Variants in IL17REL observed in about 807,000 individuals in gnomAD.
The protein encoded by IL17REL is interleukin 17 receptor E like, also known as interleukin-17 receptor E-like protein.
A neutral mutation model predicts 49.0 loss-of-function variants in IL17REL; 36 were observed. The ratio of observed to expected loss-of-function variants is 0.73; its 90% CI spans 0.56 to 0.97. The LOEUF (loss-of-function observed/expected upper bound fraction) is 0.97. Ranked by LOEUF, IL17REL falls within the 50% of genes least tolerant of loss-of-function variation. The pLI is 0.00. For synonymous variants in IL17REL, 206 were observed against 192.4 expected (o/e 1.07, Z -0.58); for missense variants, 470 against 453.9 (o/e 1.04, Z -0.32).
intron 10 of IL17REL, 25 bp from the exon 13 acceptor site, chr22:49,997,508 C>G (rs2061043940): frequency 1.4e-6 from 2 of 1,400,204 alleles, no homozygotes; most frequent in Non-Finnish European, 2.0e-6. Context: ...GGGTGAGACC[C>G]CCATCCGGCC....
At chr22:50,005,428 G>A (rs1031217242) in intron 1 of IL17REL, among the ~76,000 whole-genome samples, 1 of 152,168 alleles carries the variant, frequency 6.6e-6, no homozygotes, top group Non-Finnish European at 1.5e-5. Context: ...CGAGGAGCAG[G>A]GAATGGGAAA....
chr22:50,002,132 T>G (rs2061083271), intron 1 of IL17REL, among the ~76,000 whole-genome samples: 1 of 152,222 alleles, frequency 6.6e-6, no homozygotes, highest in Non-Finnish European at 1.5e-5. Context: ...CACTTCAGCC[T>G]CTGATTGGTT....
At chr22:49,998,969 ATG>A (rs1478886249) in intron 7 of IL17REL, among the ~76,000 whole-genome samples, 1 of 151,942 alleles carries the variant, frequency 6.6e-6, no homozygotes, top group Non-Finnish European at 1.5e-5. Context: ...GTGTCTGTGC[ATG>A]TGTGTGTGTG....
chr22:50,010,042 C>T (rs1042094466), upstream of IL17REL, among the ~76,000 whole-genome samples: 31 of 125,374 alleles, frequency 2.5e-4, 1 homozygote, highest in Admixed American at 3.1e-4. Context: ...CAGGGTCCAG[C>T]GCAGGACCCC....
exon 13 of IL17REL, chr22:49,996,803 TGGAGCGGA>T (rs956823250): frequency 1.9e-6 from 1 of 516,316 alleles, no homozygotes; most frequent in African/African-American, 2.0e-5. Context: ...GGGCACCCAC[TGGAGCGGA>T]GGTTGCAGAG....
chr22:50,002,964 C>T (rs997421458), intron 1 of IL17REL, among the ~76,000 whole-genome samples: 2 of 152,188 alleles, frequency 1.3e-5, no homozygotes, highest in African/African-American at 2.4e-5. Flanking sequence ...AGACAGGAAA[C>T]GGCCACAGTG....
At chr22:50,001,136 G>A in exon 2 of IL17REL, 2 of 1,607,154 alleles carry the variant, frequency 1.2e-6, no homozygotes, top group Middle Eastern at 1.7e-4. Context: ...CCGTCAGAGG[G>A]GACACACTGC....
At chr22:50,011,219 C>T (rs74815518), upstream of IL17REL, among the ~76,000 whole-genome samples, 2,284 of 151,482 alleles carry the variant, frequency 0.015, 34 homozygotes, top group Middle Eastern at 0.024. Flanking sequence ...CCCTCAGCCC[C>T]GCCAAACCCC....
At chr22:50,010,556 G>T (rs886554975), upstream of IL17REL, among the ~76,000 whole-genome samples, 15 of 152,240 alleles carry the variant, frequency 9.9e-5, no homozygotes, top group Admixed American at 2.0e-4. Context: ...TGGACTCCCC[G>T]CATCCACCTT....
chr22:50,006,399 G>A (rs868411757), intron 1 of IL17REL, among the ~76,000 whole-genome samples: 5 of 152,064 alleles, frequency 3.3e-5, no homozygotes, highest in African/African-American at 4.8e-5. Context: ...TCCAGCCTCC[G>A]GGAGGCCCTG....
chr22:49,994,708 G>C (rs1487979319), exon 13 of IL17REL: 1 of 152,350 alleles, frequency 6.6e-6, no homozygotes, highest in Admixed American at 6.5e-5. Context: ...GATGGGGTGC[G>C]ACCACCGCTG....
intron 1 of IL17REL, among the ~76,000 whole-genome samples, chr22:50,001,951 G>A (rs796953614): frequency 1.3e-4 from 20 of 152,348 alleles, no homozygotes; most frequent in African/African-American, 3.4e-4. Context: ...GAGACAGTGC[G>A]GCTGCTGCTC....
Position 49,999,733 on chromosome 22 carries a change from G to A in IL17REL, c.474+95C>T. The A allele has an allele frequency of 2.6e-6, 2 of 757,414 alleles. 1 individual carries two copies. Among genetic ancestry groups the A allele is most frequent in the Non-Finnish European group, 3.2e-6 (2 of 621,168 alleles). 46.9% of individuals were successfully genotyped at this position (757,414 alleles called of 1,614,324 possible). On this transcript the variant is annotated intron_variant, in intron 5 of 12. Coordinates refer to ENST00000341280, the Ensembl canonical transcript of IL17REL. ...GGGCGGGGCGCGGGGGGTGGGCGGG[G>A]CGCGGGGTGGGCGGGGCCTAAGGCT...
intron 5 of IL17REL, 57 bp downstream of exon 7, chr22:49,999,771 G>A (rs2061065985): frequency 2.3e-6 from 3 of 1,306,056 alleles, no homozygotes; most frequent in South Asian, 4.2e-5. Context: ...CCGGGGCCCG[G>A]GGCGCGGAGG....
chr22:49,992,280 A>C (rs1190622759), downstream of IL17REL, among the ~76,000 whole-genome samples: 2 of 151,878 alleles, frequency 1.3e-5, no homozygotes, highest in Non-Finnish European at 1.5e-5. Flanking sequence ...ACTTCTCCCC[A>C]CCTGCCTGCC....
At chr22:50,005,902 C>T (rs1406399103) in intron 1 of IL17REL, among the ~76,000 whole-genome samples, 1 of 152,026 alleles carries the variant, frequency 6.6e-6, no homozygotes, top group Non-Finnish European at 1.5e-5. Context: ...CGGCCATTTG[C>T]ACCAACTCAA....
intron 1 of IL17REL, among the ~76,000 whole-genome samples, chr22:50,005,204 T>C (rs1038551006): frequency 5.3e-5 from 8 of 152,144 alleles, no homozygotes; most frequent in African/African-American, 1.4e-4. Context: ...AAGATTAGTG[T>C]GGTACAAAAC....
chr22:49,997,662 C>T (rs369869488), intron 10 of IL17REL, 23 bp downstream of exon 12: 37 of 1,607,786 alleles, frequency 2.3e-5, no homozygotes, highest in African/African-American at 1.3e-4. Flanking sequence ...GTCCACATTG[C>T]GTAGGCCTCA....
chr22:50,000,479 T>A, exon 4 of IL17REL: 1 of 1,611,344 alleles, frequency 6.2e-7, no homozygotes, highest in Non-Finnish European at 8.5e-7. Context: ...GGACCCTACC[T>A]TCCACGAGGT....
Sources: allele counts gnomAD v4.1 joint callset (sites outside exome capture counted in the v4.1 genomes callset), GRCh38; gene constraint gnomAD v4.1.1; transcripts MANE v1.5; gene names NCBI Gene and HGNC (gene_info 2026-07-23, HGNC 2026-07-21).